The following TMEM62 variants were observed in gnomAD, a reference collection of about 807,000 sequenced individuals.
TMEM62 encodes the protein transmembrane protein 62.
A neutral mutation model predicts 70.4 loss-of-function variants in TMEM62; 41 were observed. The observed-to-expected ratio is 0.58, with a 90% CI of 0.45 to 0.76. The LOEUF is 0.76. TMEM62 is among the 30% of genes least tolerant of loss of function. The probability of loss-of-function intolerance (pLI) is 0.00; values close to 1 mark genes in which losing one functional copy is unlikely to be tolerated. For missense variants in TMEM62, 688 were observed against 788.5 expected (o/e 0.87, Z 1.53); for synonymous variants, 268 against 291.0 (o/e 0.92, Z 0.80).
At chr15:43,176,703 AC>A (rs2142058071) in intron 11 of TMEM62, among the ~76,000 whole-genome samples, 1 of 152,158 alleles carries the variant, frequency 6.6e-6, no homozygotes, top group East Asian at 1.9e-4. Context: ...ATCATCAAAG[AC>A]CAAAAGTAGA....
rs781695165 is a variant in TMEM62 at position 43,184,443 on chromosome 15, T to C, written c.1789T>C (p.Tyr597His). ...TTCCTGCTACTTTCTTTATGCAACA[T>C]ACGGCACCCTAGCTTTTTTATTCTC... ...VYSCYFLYATYGTLAFLFSPL... is the reference protein window; with the variant it reads ...VYSCYFLYATHGTLAFLFSPL... The change falls in exon 14 of 14, where the codon TAC becomes CAC. Residue 597 changes from tyrosine (Y) to histidine (H), a missense_variant. Coordinates refer to ENST00000260403, the MANE Select transcript of TMEM62 (RefSeq NM_024956.4). 1 of 1,614,238 alleles carries C rather than the reference T, an allele frequency of 6.2e-7. No individual in the cohort carries two copies. Among genetic ancestry groups the C allele is most frequent in the Non-Finnish European group, 8.5e-7 (1 of 1,180,048 alleles).
chr15:43,142,096 G>C (rs531445332), intron 4 of TMEM62, among the ~76,000 whole-genome samples: 1 of 152,066 alleles, frequency 6.6e-6, no homozygotes, highest in East Asian at 1.9e-4. Context: ...AGCAATAACA[G>C]TGTTGGAGAG....
intron 4 of TMEM62, among the ~76,000 whole-genome samples, chr15:43,144,551 C>T (rs1243868798): frequency 6.6e-6 from 1 of 152,138 alleles, no homozygotes; most frequent in Non-Finnish European, 1.5e-5. Context: ...GAGGGTCCTG[C>T]AATAGTCTAG....
In TMEM62 at chr15:43,164,040, A is replaced by G. The variant is rs906483910; in HGVS notation, c.1296+3246A>G. Among the ~76,000 whole-genome samples the G allele has an allele frequency of 6.6e-5, 10 of 152,324 alleles. No individual in the cohort carries two copies. The East Asian group carries it at 1.9e-3, about 29-fold the overall frequency. ...CTATACTGTTTTTTTATTCTTATAG[A>G]ACTTTAAAACAAAACAAAGTATCCT... On this transcript the variant is annotated intron_variant, in intron 10 of 13. Transcript: ENST00000260403.
rs370328301 is a variant in TMEM62 at position 43,138,632 on chromosome 15, A to T, written c.476+13A>T. 7.7e-5 allele frequency: 121 copies of T among 1,580,040 alleles called. No individual in the cohort carries two copies. The highest frequency in any genetic ancestry group is 1.0e-4 in the Non-Finnish European group (119 of 1,152,902). ...AGAATTATTACAGGTACTGTAATAAACAGAAGACAGACCACTATGTAGAGT... is the reference window on the plus strand; with the variant it reads ...AGAATTATTACAGGTACTGTAATAATCAGAAGACAGACCACTATGTAGAGT... On this transcript the variant is annotated intron_variant, in intron 4 of 13. Coordinates refer to ENST00000260403, the MANE Select transcript of TMEM62 (RefSeq NM_024956.4).
chr15:43,172,626 C>T (rs1043810524), intron 11 of TMEM62, among the ~76,000 whole-genome samples: 8 of 152,136 alleles, frequency 5.3e-5, no homozygotes, highest in Admixed American at 2.0e-4. Context: ...AAATGCAAAA[C>T]TATCTGATCA....
intron 4 of TMEM62, among the ~76,000 whole-genome samples, chr15:43,141,130 C>T (rs2035950698): frequency 6.6e-6 from 1 of 152,218 alleles, no homozygotes; most frequent in Non-Finnish European, 1.5e-5. Context: ...CCATCTCATC[C>T]TCAGTCAGCA....
In TMEM62 at chr15:43,133,819, C is replaced by T. The variant is rs2034742259; in HGVS notation, c.17C>T (p.Ala6Val). The T allele has an allele frequency of 4.8e-6, 7 of 1,444,666 alleles. No homozygotes were observed. Among genetic ancestry groups the T allele is most frequent in the African/African-American group, 3.0e-5 (2 of 67,304 alleles). The allele number at this position is 1,444,666 out of a possible 1,614,324, so 89.5% of individuals were successfully genotyped here. The change falls in exon 1 of 14, where the codon GCT becomes GTT. Residue 6 changes from alanine to valine, a missense_variant. Physicochemically the swap from Ala to Val is moderately conservative, Grantham distance 64. Coordinates refer to ENST00000260403, the MANE Select transcript of TMEM62 (RefSeq NM_024956.4). MAAVL[A>V]LRVVAGLAAA... ...GCGGGCGGCATGGCTGCAGTGCTGG[C>T]TCTCAGGGTGGTCGCGGGGTTGGCG...
At chr15:43,177,837 G>A (rs999898896) in intron 11 of TMEM62, among the ~76,000 whole-genome samples, 2 of 151,762 alleles carry the variant, frequency 1.3e-5, no homozygotes, top group African/African-American at 4.9e-5. Flanking sequence ...ATCACACTCT[G>A]GGGACTGTTG....
intron 5 of TMEM62, 112 bp from the exon 6 acceptor site, chr15:43,148,643 C>T (rs1203436972): frequency 7.6e-7 from 1 of 1,321,298 alleles, no homozygotes; most frequent in Non-Finnish European, 1.0e-6. Flanking sequence ...GGTTTAAGGC[C>T]TAGACACATA....
chr15:43,154,732 T>C lies in TMEM62; in HGVS notation c.1083T>C (p.His361=). The C allele has an allele frequency of 6.2e-7, 1 of 1,614,044 alleles. No individual in the cohort carries two copies. Among genetic ancestry groups the C allele is most frequent in the East Asian group, 2.2e-5 (1 of 44,870 alleles). The stretch of plus-strand genomic sequence containing the variant: ...TCACAGTTAAGATTGATGGAGTTCA[T>C]TTAGGCCAGGCTGTTCATGTGTCTG... ...TSVTVKIDGV[H]LGQAVHVSGP... Residue 361 remains histidine (H), a synonymous_variant, in exon 9 of 14, where the codon CAT becomes CAC. Coordinates refer to ENST00000260403, the MANE Select transcript of TMEM62 (RefSeq NM_024956.4).
intron 7 of TMEM62, 45 bp downstream of exon 7, chr15:43,149,196 T>C: frequency 6.3e-7 from 1 of 1,594,756 alleles, no homozygotes. Context: ...ACATAAGTTT[T>C]GCCAAAGCAA....
At chr15:43,182,448 CTTTTCTTTT>C (rs1277556384) in intron 13 of TMEM62, among the ~76,000 whole-genome samples, 4 of 149,270 alleles carry the variant, frequency 2.7e-5, no homozygotes, top group Non-Finnish European at 1.5e-5. Context: ...CTTTTCTTTT[CTTTTCTTTT>C]TTTTTTTTTT....
rs1183595119 is a variant in TMEM62, at chr15:43,184,375, CT to C, written c.1722del (p.Val575PhefsTer26). 1 of 1,614,194 alleles carries C rather than the reference CT, an allele frequency of 6.2e-7. No individual in the cohort carries two copies. Among genetic ancestry groups the C allele is most frequent in the East Asian group, 2.2e-5 (1 of 44,890 alleles). ...CAAAGAAAATACTTGAAAATTATGC[CT>C]GTTCACCTACTTATGCTACTGCTGT... ...LHQRKYLKIM[P>X]VHLLMLLLYI... On this transcript the variant is annotated frameshift_variant, in exon 14 of 14. Coordinates refer to ENST00000260403, the MANE Select transcript of TMEM62 (RefSeq NM_024956.4). LOFTEE classifies it high-confidence loss of function.
chr15:43,147,111 G>A (rs531794397), intron 5 of TMEM62, among the ~76,000 whole-genome samples: 36 of 152,240 alleles, frequency 2.4e-4, no homozygotes, highest in East Asian at 1.5e-3. Context: ...TTACAGGCAC[G>A]TGCCACCATG....
Position 43,133,857 on chromosome 15 carries a change from G to T in TMEM62, c.55G>T (p.Val19Leu). The T allele has an allele frequency of 6.8e-7, 1 of 1,478,454 alleles. No individual in the cohort carries two copies. The highest frequency in any genetic ancestry group is 2.4e-4 in the Middle Eastern group (1 of 4,206). The allele number at this position is 1,478,454 out of a possible 1,614,324, so 91.6% of individuals were successfully genotyped here. ...VVAGLAAAALVAMLLEHYGLA... is the reference protein window; with the variant it reads ...VVAGLAAAALLAMLLEHYGLA... ...CGCGGGGTTGGCGGCCGCAGCGCTG[G>T]TGGCCATGCTCTTGGAGCACTACGG... Residue 19 changes from valine (V) to leucine (L), a missense_variant, in exon 1 of 14, where the codon GTG becomes TTG. By Grantham distance (32) the Val-to-Leu change is conservative. Transcript: ENST00000260403.
intron 10 of TMEM62, among the ~76,000 whole-genome samples, chr15:43,162,040 T>A (rs1455031945): frequency 6.6e-6 from 1 of 152,324 alleles, no homozygotes; most frequent in East Asian, 1.9e-4. Flanking sequence ...TGTCTGATTT[T>A]TTTCCACTGA....
At chr15:43,153,979 T>C (rs1222111065) in intron 8 of TMEM62, among the ~76,000 whole-genome samples, 1 of 152,232 alleles carries the variant, frequency 6.6e-6, no homozygotes, top group Non-Finnish European at 1.5e-5. Context: ...AGGTATCCAA[T>C]TACTTTCAAC....
intron 10 of TMEM62, among the ~76,000 whole-genome samples, 191 bp downstream of exon 10, chr15:43,160,985 T>C (rs949854508): frequency 6.6e-6 from 1 of 152,188 alleles, no homozygotes; most frequent in Non-Finnish European, 1.5e-5. Flanking sequence ...TATTATAGTA[T>C]ATTGTTATAA....
Sources: gnomAD v4.1 joint callset for allele counts (sites outside exome capture counted in the v4.1 genomes callset) on GRCh38, gnomAD v4.1.1 for gene constraint, MANE v1.5 for transcripts, NCBI Gene and HGNC (gene_info 2026-07-23, HGNC 2026-07-21) for gene names.